Variants in NLRC5 observed in about 807,000 individuals in gnomAD.
NLRC5 encodes the protein protein NLRC5.
NLRC5 carries 114 observed loss-of-function variants against 206.9 expected under a neutral mutation model. That is an observed-to-expected ratio of 0.55 (90% CI 0.47 to 0.64). The LOEUF is 0.64. NLRC5 is among the 30% of genes least tolerant of loss of function. The pLI is 0.00. For missense variants in NLRC5, 2,008 were observed against 2,305.5 expected, an observed-to-expected ratio of 0.87 and a Z score of 2.64; for synonymous variants, 952 against 962.8, an observed-to-expected ratio of 0.99 and a Z score of 0.21.
intron 14 of NLRC5, 92 bp downstream of exon 14, chr16:57,036,275 T>C: frequency 8.5e-7 from 1 of 1,181,410 alleles, no homozygotes; most frequent in Non-Finnish European, 1.2e-6. Flanking sequence ...AGGGTGCTGA[T>C]CCACTGCCAC....
chr16:57,029,476 C>T (rs2061570007), intron 8 of NLRC5, among the ~76,000 whole-genome samples: 1 of 152,172 alleles, frequency 6.6e-6, no homozygotes, highest in Non-Finnish European at 1.5e-5. Flanking sequence ...GCCCTGGGAG[C>T]AGGGTGCTAG....
intron 1 of NLRC5, among the ~76,000 whole-genome samples, chr16:57,001,995 C>G (rs2142320342): frequency 6.6e-6 from 1 of 152,016 alleles, no homozygotes; most frequent in Admixed American, 6.6e-5. Context: ...TAAGTGAGAA[C>G]AAGTGATGTG....
intron 38 of NLRC5, chr16:57,074,367 G>A: frequency 2.3e-6 from 1 of 443,522 alleles, no homozygotes; most frequent in African/African-American, 2.0e-5. Flanking sequence ...CATTAGTCTT[G>A]GTCCATGTGG....
intron 43 of NLRC5, among the ~76,000 whole-genome samples, chr16:57,078,326 C>T (rs1258041156): frequency 6.6e-6 from 1 of 152,118 alleles, no homozygotes; most frequent in Non-Finnish European, 1.5e-5. Context: ...GCCCTGTGAG[C>T]GGGTCCCTGA....
At chr16:57,032,669 A>G (rs1157627828) in intron 11 of NLRC5, among the ~76,000 whole-genome samples, 1 of 151,936 alleles carries the variant, frequency 6.6e-6, no homozygotes, top group Non-Finnish European at 1.5e-5. Context: ...AGCAAGTGGT[A>G]CAGATGCCAG....
At chr16:57,040,839 T>G in intron 17 of NLRC5, 121 bp downstream of exon 17, 1 of 919,892 alleles carries the variant, frequency 1.1e-6, no homozygotes, top group East Asian at 2.6e-5. Flanking sequence ...TGACCTGCTG[T>G]GTCCAGGGGT....
At chr16:57,051,442 G>C in intron 23 of NLRC5, 96 bp from the exon 24 acceptor site, 1 of 856,974 alleles carries the variant, frequency 1.2e-6, no homozygotes, top group Non-Finnish European at 2.0e-6. Context: ...GGTGACCCTG[G>C]TTAGGTCCCA....
intron 1 of NLRC5, among the ~76,000 whole-genome samples, chr16:57,014,792 C>A (rs1385240055): frequency 2.0e-5 from 3 of 152,212 alleles, no homozygotes; most frequent in Non-Finnish European, 4.4e-5. Flanking sequence ...CGGGAAGTCC[C>A]CAATCAGGGA....
rs1283160387 is a variant in NLRC5 at position 57,076,891 on chromosome 16, A to G, written c.4824A>G (p.Leu1608=). The change falls in exon 40 of 49, where the codon CTA becomes CTG. Residue 1608 remains leucine (L), a synonymous_variant. Transcript: ENST00000688547. ...LSEALRAATS[L]EELDLSHNQI... The stretch of plus-strand genomic sequence containing the variant: ...AGGCTCTCAGGGCTGCCACCAGCCT[A>G]GAGGAGCTGGAGTGAGTTGCCCATT... 4 of 1,613,738 alleles carry G rather than the reference A, an allele frequency of 2.5e-6. No homozygotes were observed. Among genetic ancestry groups the G allele is most frequent in the Non-Finnish European group, 3.4e-6 (4 of 1,179,930 alleles).
chr16:57,069,815 T>C, intron 36 of NLRC5, 21 bp from the exon 37 acceptor site: 4 of 1,594,030 alleles, frequency 2.5e-6, no homozygotes, highest in Admixed American at 1.7e-5. Context: ...GCCTGACCTG[T>C]TGCCCTTTGA....
At chr16:57,058,901 T>C (rs1162723863) in intron 28 of NLRC5, 71 bp from the exon 29 acceptor site, 10 of 1,260,224 alleles carry the variant, frequency 7.9e-6, no homozygotes, top group African/African-American at 1.5e-5. Context: ...GGAAGGGAGA[T>C]GGAGGGGGCT....
Position 57,045,486 on chromosome 16 carries a change from C to T in NLRC5, c.3242C>T (p.Thr1081Ile). 3.1e-6 allele frequency: 5 copies of T among 1,614,056 alleles called. No homozygotes were observed. Among genetic ancestry groups the T allele is most frequent in the Non-Finnish European group, 4.2e-6 (5 of 1,179,988 alleles). Reference sequence around the variant, plus strand: ...CACATCCTCCTGAGAGGGGACAAGACAAGCAGGTGAGGAGGGAACGCTCGG... The same window carrying T: ...CACATCCTCCTGAGAGGGGACAAGATAAGCAGGTGAGGAGGGAACGCTCGG... The part of the protein sequence containing the change: ...SQHILLRGDK[T>I]SRDMWATGSL... The change falls in exon 21 of 49, where the codon ACA becomes ATA. Residue 1081 changes from threonine (T) to isoleucine (I), a missense_variant. Transcript: ENST00000688547.
chr16:57,060,567 C>T (rs1469480107), intron 30 of NLRC5, among the ~76,000 whole-genome samples: 1 of 151,486 alleles, frequency 6.6e-6, no homozygotes, highest in Non-Finnish European at 1.5e-5. Flanking sequence ...AAAAACAAAC[C>T]CCCCACATAC....
intron 20 of NLRC5, among the ~76,000 whole-genome samples, chr16:57,044,975 C>T (rs151143349): frequency 6.6e-6 from 1 of 151,632 alleles, no homozygotes; most frequent in African/African-American, 2.4e-5. Context: ...GAGGCTAAGG[C>T]AGGAGGATCG....
intron 36 of NLRC5, among the ~76,000 whole-genome samples, chr16:57,068,328 G>T (rs138203338): frequency 6.6e-6 from 1 of 152,088 alleles, no homozygotes; most frequent in Non-Finnish European, 1.5e-5. Flanking sequence ...CTAATTGGGA[G>T]GCTGAGGCAC....
chr16:57,026,914 C>T lies in NLRC5; in HGVS notation c.1971C>T (p.Ile657=). 1 of 1,614,222 alleles carries T rather than the reference C, an allele frequency of 6.2e-7. No individual in the cohort carries two copies. Among genetic ancestry groups the T allele is most frequent in the Non-Finnish European group, 8.5e-7 (1 of 1,180,048 alleles). The change falls in exon 6 of 49, where the codon ATC becomes ATT. Residue 657 remains isoleucine (I), a synonymous_variant. Transcript: ENST00000688547. ...TCTDLATLTN[I]LEHREAPIHL... is the part of the protein sequence containing the mutation. ...CCGACCTGGCCACCCTGACCAACATCCTAGAGCACAGGGAGGCCCCCATCC... is the reference window on the plus strand; with the variant it reads ...CCGACCTGGCCACCCTGACCAACATTCTAGAGCACAGGGAGGCCCCCATCC...
At chr16:56,993,200 C>T (rs567164290) in intron 1 of NLRC5, among the ~76,000 whole-genome samples, 1 of 140,108 alleles carries the variant, frequency 7.1e-6, no homozygotes, top group East Asian at 2.1e-4. Flanking sequence ...TTTCCCTTCT[C>T]ACAAATGGCA....
Position 57,047,554 on chromosome 16 carries a change from G to T in NLRC5, c.3348G>T (p.Glu1116Asp), listed in dbSNP as rs201735756. 199 of 1,611,910 alleles carry T rather than the reference G, an allele frequency of 1.2e-4. No individual in the cohort carries two copies. The highest frequency in any genetic ancestry group is 1.7e-4 in the Non-Finnish European group (195 of 1,179,188). ...RCIPRSLCLS[E>D]CPLEPPSLTR... ...CATTGCCCCTTTGCAGCCTCAGTGA[G>T]TGTCCTCTGGAGCCCCCAAGCCTCA... The change falls in exon 23 of 49, where the codon GAG becomes GAT. Residue 1116 changes from glutamate (E) to aspartate (D), a missense_variant. Coordinates refer to ENST00000688547, the MANE Select transcript of NLRC5 (RefSeq NM_001384950.1).
intron 38 of NLRC5, among the ~76,000 whole-genome samples, chr16:57,071,659 G>GAGGA (rs1555539402): frequency 8.0e-6 from 1 of 124,802 alleles, no homozygotes. Flanking sequence ...AATGGGAAGG[G>GAGGA]AGTGAGTGGT....
Sources: allele counts gnomAD v4.1 joint callset (sites outside exome capture counted in the v4.1 genomes callset), GRCh38; gene constraint gnomAD v4.1.1; transcripts MANE v1.5; gene names NCBI Gene and HGNC (gene_info 2026-07-23, HGNC 2026-07-21).